The following STK31 variants were observed in gnomAD, a reference collection of about 807,000 sequenced individuals.
STK31 encodes the protein serine/threonine kinase 31, also known as serine/threonine-protein kinase 31.
STK31 carries 89 observed loss-of-function variants against 129.7 expected under a neutral mutation model. That is an observed-to-expected ratio of 0.69 (90% CI 0.58 to 0.82). The LOEUF (loss-of-function observed/expected upper bound fraction) is 0.82, where lower values mean the gene tolerates loss of function less well. STK31 is among the 40% of genes least tolerant of loss of function. STK31 has a pLI of 0.00. For synonymous variants in STK31, 448 were observed against 395.3 expected, an observed-to-expected ratio of 1.13 and a Z score of -1.58; for missense variants, 1,187 against 1,176.4, an observed-to-expected ratio of 1.01 and a Z score of -0.13.
intron 20 of STK31, 30 bp from the exon 21 acceptor site, chr7:23,787,950 C>T (rs376187450): frequency 9.3e-5 from 138 of 1,478,268 alleles, no homozygotes; most frequent in Admixed American, 2.9e-4. Context: ...TGCCTACTTC[C>T]TCACTTCTTT....
intron 13 of STK31, among the ~76,000 whole-genome samples, chr7:23,770,596 TAA>T (rs1790121009): frequency 6.6e-6 from 1 of 152,142 alleles, no homozygotes; most frequent in Non-Finnish European, 1.5e-5. Flanking sequence ...GTAATACGGG[TAA>T]AGTTTCCCAT....
At chr7:23,823,535 C>G (rs1408288089) in intron 23 of STK31, among the ~76,000 whole-genome samples, 1 of 152,056 alleles carries the variant, frequency 6.6e-6, no homozygotes, top group African/African-American at 2.4e-5. Context: ...AATTTTCTCC[C>G]ATTTTGTAGG....
intron 23 of STK31, among the ~76,000 whole-genome samples, chr7:23,816,913 T>G (rs1419318602): frequency 6.6e-6 from 1 of 152,060 alleles, no homozygotes; most frequent in African/African-American, 2.4e-5. Flanking sequence ...TGGCCAGGCA[T>G]GGTGGCTCAC....
intron 15 of STK31, among the ~76,000 whole-genome samples, chr7:23,776,086 C>T (rs1343388496): frequency 2.6e-5 from 4 of 152,228 alleles, no homozygotes; most frequent in Non-Finnish European, 4.4e-5. Flanking sequence ...TTGAGATAGT[C>T]GTGTGGTTTT....
At chr7:23,768,328 C>A (rs1789958221) in intron 11 of STK31, among the ~76,000 whole-genome samples, 1 of 152,092 alleles carries the variant, frequency 6.6e-6, no homozygotes, top group African/African-American at 2.4e-5. Flanking sequence ...CAGTACACTC[C>A]ATGATGTTTG....
At chr7:23,724,873 T>G (rs1786959403) in intron 4 of STK31, among the ~76,000 whole-genome samples, 1 of 152,246 alleles carries the variant, frequency 6.6e-6, no homozygotes, top group Non-Finnish European at 1.5e-5. Context: ...TATGTGTTCT[T>G]TATTGTTTTG....
chr7:23,710,230 T>C lies in STK31; in HGVS notation c.-56T>C. On this transcript the variant is annotated 5_prime_UTR_variant, in exon 1 of 24. Coordinates refer to ENST00000355870, the MANE Select transcript of STK31 (RefSeq NM_031414.5). ...AGTGTGGGGCCCTTGCGGTCGAAGC[T>C]CACGCGGTAAGCCGCTGCACGTGTG... The C allele has an allele frequency of 6.2e-7, 1 of 1,611,494 alleles. No individual in the cohort carries two copies. The highest frequency in any genetic ancestry group is 8.5e-7 in the Non-Finnish European group (1 of 1,179,600).
At chr7:23,763,037 C>T (rs2193827) in intron 11 of STK31, 114 bp downstream of exon 11, 152,691 of 910,096 alleles carry the variant, frequency 0.17, 14,006 homozygotes, top group Non-Finnish European at 0.19. Context: ...AAAGTTTTTC[C>T]TGTTTCCTGA....
chr7:23,713,863 TAA>T (rs202001495), intron 3 of STK31, among the ~76,000 whole-genome samples: 8 of 151,772 alleles, frequency 5.3e-5, no homozygotes, highest in African/African-American at 1.9e-4. Flanking sequence ...AAAATTATAG[TAA>T]AAAAAAATAT....
At chr7:23,796,183 C>T (rs10215404) in intron 22 of STK31, among the ~76,000 whole-genome samples, 148,777 of 152,274 alleles carry the variant, frequency 0.98, 72,798 homozygotes, top group East Asian at 1. Context: ...ATTTGAATTA[C>T]GGGGTGGTTC....
intron 22 of STK31, among the ~76,000 whole-genome samples, chr7:23,799,276 T>A (rs1324428648): frequency 6.6e-6 from 1 of 152,104 alleles, no homozygotes; most frequent in Non-Finnish European, 1.5e-5. Context: ...AAAGCCCGTA[T>A]AGCCAAGACA....
intron 23 of STK31, among the ~76,000 whole-genome samples, chr7:23,828,618 C>T (rs1794338559): frequency 6.6e-6 from 1 of 152,238 alleles, no homozygotes; most frequent in Non-Finnish European, 1.5e-5. Flanking sequence ...CACTGTCCGG[C>T]ACTCCCCAGT....
rs188340101 is a variant in STK31 at position 23,729,983 on chromosome 7, C to T, written c.483+734C>T. On this transcript the variant is annotated intron_variant, in intron 6 of 23. Transcript: ENST00000355870. ...AGATTGTATTATTTTGGCAGAGGCT[C>T]ATACTGTTTGATGTAATAATTGGCA... Among the ~76,000 whole-genome samples the T allele has an allele frequency of 7.6e-4, 115 of 152,260 alleles. No homozygotes were observed. The Middle Eastern group carries it at 0.01, about 14-fold the overall frequency.
intron 22 of STK31, among the ~76,000 whole-genome samples, chr7:23,803,363 A>T (rs1249289196): frequency 6.6e-6 from 1 of 152,230 alleles, no homozygotes; most frequent in Non-Finnish European, 1.5e-5. Context: ...TCTTTAAAAA[A>T]ATTTTAGAAA....
At chr7:23,758,735 G>A (rs1423185747) in intron 10 of STK31, among the ~76,000 whole-genome samples, 1 of 152,120 alleles carries the variant, frequency 6.6e-6, no homozygotes, top group Non-Finnish European at 1.5e-5. Flanking sequence ...TTACCCTGGA[G>A]CCATTCAGGA....
At chr7:23,778,291 G>A (rs1176891095) in intron 15 of STK31, among the ~76,000 whole-genome samples, 2 of 152,020 alleles carry the variant, frequency 1.3e-5, no homozygotes, top group African/African-American at 4.8e-5. Flanking sequence ...TTTCAACCTT[G>A]GTGAATCTGA....
At chr7:23,742,091 G>A (rs1467680248) in intron 8 of STK31, among the ~76,000 whole-genome samples, 1 of 152,186 alleles carries the variant, frequency 6.6e-6, no homozygotes, top group Non-Finnish European at 1.5e-5. Context: ...AGATATGTGT[G>A]GGGTAGCCTG....
chr7:23,818,871 T>G (rs1584497197), intron 23 of STK31, among the ~76,000 whole-genome samples: 1 of 152,296 alleles, frequency 6.6e-6, no homozygotes, highest in East Asian at 1.9e-4. Flanking sequence ...GTGATCCACC[T>G]GCCTCAGCCT....
rs1294303491 is a variant in STK31 at position 23,823,985 on chromosome 7, A to G, written c.2830-8151A>G. Among the ~76,000 whole-genome samples the G allele has an allele frequency of 6.6e-5, 10 of 151,892 alleles. 1 individual carries two copies. Among genetic ancestry groups the G allele is most frequent in the African/African-American group, 4.8e-5 (2 of 41,334 alleles). On this transcript the variant is annotated intron_variant, in intron 23 of 23. Coordinates refer to ENST00000355870, the MANE Select transcript of STK31 (RefSeq NM_031414.5). Reference sequence around the variant, plus strand: ...TCTGTTTTGGTACCAGTATCATGCTATTTTGGTTACTGTAGCCTTGTAGTA... The same window carrying G: ...TCTGTTTTGGTACCAGTATCATGCTGTTTTGGTTACTGTAGCCTTGTAGTA...
Sources: gnomAD v4.1 joint callset for allele counts (sites outside exome capture counted in the v4.1 genomes callset) on GRCh38, gnomAD v4.1.1 for gene constraint, MANE v1.5 for transcripts, NCBI Gene and HGNC (gene_info 2026-07-23, HGNC 2026-07-21) for gene names.